The following HTR1F variants were observed in gnomAD, a reference collection of about 807,000 sequenced individuals.
HTR1F encodes 5-hydroxytryptamine (serotonin) receptor 1F, G protein-coupled.
A neutral mutation model predicts 24.0 loss-of-function variants in HTR1F; 17 were observed. The observed-to-expected ratio is 0.71, with a 90% confidence interval of 0.48 to 1.06. HTR1F has a LOEUF of 1.06. Among genes scored for constraint, HTR1F ranks in the 50% least tolerant of loss-of-function variants. HTR1F has a pLI of 0.00. For missense variants in HTR1F, 391 were observed against 427.8 expected (o/e 0.91, Z 0.76); for synonymous variants, 186 against 156.8 (o/e 1.19, Z -1.39).
chr3:87,901,388 G>A (rs541887592), intron 2 of HTR1F, among the ~76,000 whole-genome samples: 17 of 152,130 alleles, frequency 1.1e-4, no homozygotes, highest in African/African-American at 4.1e-4. Context: ...ATGAAGAGAT[G>A]AGAAAAAAAC....
chr3:87,961,006 A>G (rs920887100), intron 2 of HTR1F, among the ~76,000 whole-genome samples: 4 of 151,640 alleles, frequency 2.6e-5, no homozygotes, highest in African/African-American at 9.7e-5. Context: ...TGGTGCACAC[A>G]CACACACACA....
intron 2 of HTR1F, among the ~76,000 whole-genome samples, chr3:87,885,813 A>G (rs1705926675): frequency 6.6e-6 from 1 of 152,168 alleles, no homozygotes; most frequent in Admixed American, 6.6e-5. Flanking sequence ...CTCTGAATAC[A>G]CCAATAACAG....
rs1489780 is a variant in HTR1F, at chr3:87,793,785, C to G, written c.-160+943C>G. 2.0e-5 allele frequency among the ~76,000 whole-genome samples: 3 copies of G among 151,884 alleles called. No homozygotes were observed. In the East Asian group the frequency reaches 5.8e-4, roughly 30 times the overall value. ...GCACTTTGGAAGAAGCCTTAAGGAG[C>G]AGATTTTGTTTTTCCTGCATGTTAA... On this transcript the variant is annotated intron_variant, in intron 1 of 2. Transcript: ENST00000319595.
At chr3:87,879,983 TA>T (rs1705753167) in intron 2 of HTR1F, among the ~76,000 whole-genome samples, 1 of 152,110 alleles carries the variant, frequency 6.6e-6, no homozygotes, top group Non-Finnish European at 1.5e-5. Context: ...ATTTAACATC[TA>T]AACAGTATTT....
At chr3:87,874,402 A>G (rs1705624479) in intron 2 of HTR1F, among the ~76,000 whole-genome samples, 1 of 152,168 alleles carries the variant, frequency 6.6e-6, no homozygotes, top group African/African-American at 2.4e-5. Flanking sequence ...TAGCATCACA[A>G]AGAATAAAAT....
intron 1 of HTR1F, among the ~76,000 whole-genome samples, chr3:87,794,131 G>T (rs1703863465): frequency 6.6e-6 from 1 of 152,128 alleles, no homozygotes; most frequent in African/African-American, 2.4e-5. Flanking sequence ...TGTGTTTCTT[G>T]TGAGAGGTGG....
chr3:87,927,965 T>A (rs1425556382), intron 2 of HTR1F, among the ~76,000 whole-genome samples: 1 of 152,080 alleles, frequency 6.6e-6, no homozygotes, highest in Admixed American at 6.6e-5. Context: ...ATTGGTGGCT[T>A]AATAAACTTA....
At chr3:87,960,384 C>G (rs1705035567) in intron 2 of HTR1F, among the ~76,000 whole-genome samples, 1 of 151,956 alleles carries the variant, frequency 6.6e-6, no homozygotes, top group Admixed American at 6.6e-5. Flanking sequence ...TCATTGCTTC[C>G]TTAGACAGTA....
chr3:87,881,502 G>T (rs1339939602), intron 2 of HTR1F, among the ~76,000 whole-genome samples: 1 of 152,126 alleles, frequency 6.6e-6, no homozygotes, highest in Non-Finnish European at 1.5e-5. Context: ...CTGGGGGCAG[G>T]GAATGGCTGA....
intron 2 of HTR1F, among the ~76,000 whole-genome samples, chr3:87,989,110 G>A (rs910743399): frequency 2.0e-5 from 3 of 152,058 alleles, no homozygotes; most frequent in African/African-American, 7.2e-5. Context: ...CTACTAAAAA[G>A]TTATTAGAGA....
At chr3:87,905,530 G>A (rs974659119) in intron 2 of HTR1F, among the ~76,000 whole-genome samples, 2 of 152,044 alleles carry the variant, frequency 1.3e-5, no homozygotes, top group Non-Finnish European at 2.9e-5. Flanking sequence ...CCTGCACAAA[G>A]ACATAATTGC....
chr3:87,812,865 C>A (rs1461650608), intron 1 of HTR1F, among the ~76,000 whole-genome samples: 2 of 152,228 alleles, frequency 1.3e-5, no homozygotes, highest in Admixed American at 1.3e-4. Flanking sequence ...AAGCCCCAAG[C>A]CTTGGTGGCT....
At chr3:87,921,164 TA>T (rs1704005487) in intron 2 of HTR1F, among the ~76,000 whole-genome samples, 1 of 152,002 alleles carries the variant, frequency 6.6e-6, no homozygotes, top group African/African-American at 2.4e-5. Context: ...AAATTCAGAT[TA>T]AACCATTTAA....
Position 87,793,016 on chromosome 3 carries a change from G to A in HTR1F, c.-160+174G>A, listed in dbSNP as rs114630743. 2.5e-3 allele frequency among the ~76,000 whole-genome samples: 384 copies of A among 152,376 alleles called. 2 individuals are homozygous for A. The highest frequency in any genetic ancestry group is 4.0e-3 in the Non-Finnish European group (273 of 68,032). ...TTTCCCACACTACTTTGATCTAACA[G>A]CGCAGGAATTCAAGAATTGCCCTTT... On this transcript the variant is annotated intron_variant, in intron 1 of 2. Transcript: ENST00000319595.
intron 2 of HTR1F, among the ~76,000 whole-genome samples, chr3:87,830,827 C>T (rs1046981574): frequency 6.6e-6 from 1 of 152,094 alleles, no homozygotes; most frequent in Non-Finnish European, 1.5e-5. Context: ...GATTTAAAGT[C>T]AAATAAAGAA....
chr3:87,849,848 G>C (rs895742474), intron 2 of HTR1F, among the ~76,000 whole-genome samples: 7 of 151,806 alleles, frequency 4.6e-5, no homozygotes, highest in African/African-American at 9.7e-5. Context: ...CCAAAAGACA[G>C]ATGAAAAAAT....
Position 87,991,536 on chromosome 3 carries a change from A to G in HTR1F, c.787A>G (p.Ser263Gly), listed in dbSNP as rs1452276459. Residue 263 changes from serine (S) to glycine (G), a missense_variant, in exon 3 of 3, where the codon AGC (serine) becomes GGC (glycine). By Grantham distance (56) the Ser-to-Gly change is moderately conservative. Coordinates refer to ENST00000319595, the MANE Select transcript of HTR1F (RefSeq NM_001322209.2). ...DPSTDFDKIH[S>G]TVRSLRSEFK... ...ATCAACAGACTTTGATAAAATTCAT[A>G]GCACAGTGAGAAGTCTCAGGTCTGA... The G allele has an allele frequency of 3.7e-6, 6 of 1,614,084 alleles. No individual in the cohort carries two copies. Among genetic ancestry groups the G allele is most frequent in the South Asian group, 2.2e-5 (2 of 91,082 alleles).
At chr3:87,927,359 AAATG>A (rs1704151303) in intron 2 of HTR1F, among the ~76,000 whole-genome samples, 2 of 102,974 alleles carry the variant, frequency 1.9e-5, no homozygotes, top group African/African-American at 9.0e-5. Context: ...TCTTAGTTTT[AAATG>A]TAAAGATAAC....
intron 2 of HTR1F, among the ~76,000 whole-genome samples, chr3:87,872,482 A>G (rs1035183789): frequency 6.6e-6 from 1 of 152,112 alleles, no homozygotes; most frequent in Non-Finnish European, 1.5e-5. Flanking sequence ...AAACAGAACT[A>G]AGAGTTGGAT....
Sources: gnomAD v4.1 joint callset for allele counts (sites outside exome capture counted in the v4.1 genomes callset) on GRCh38, gnomAD v4.1.1 for gene constraint, MANE v1.5 for transcripts, NCBI Gene and HGNC (gene_info 2026-07-23, HGNC 2026-07-21) for gene names.